SNX29: variants seen among roughly 807,000 people sequenced by gnomAD.
SNX29 encodes the protein sorting nexin-29.
A neutral mutation model predicts 102.1 loss-of-function variants in SNX29; 78 were observed. That is an observed-to-expected ratio of 0.76 (90% CI 0.64 to 0.92). SNX29 has a LOEUF of 0.92. Among genes scored for constraint, SNX29 ranks in the 40% least tolerant of loss-of-function variants. The pLI is 0.00. For missense variants in SNX29, 1,280 were observed against 1,061.7 expected (o/e 1.21, Z -2.86); for synonymous variants, 580 against 414.5 (o/e 1.40, Z -4.85).
chr16:12,116,920 A>C (rs1283553775), intron 11 of SNX29, among the ~76,000 whole-genome samples: 1 of 152,226 alleles, frequency 6.6e-6, no homozygotes, highest in African/African-American at 2.4e-5. Context: ...CACGGTCAAT[A>C]CGTGCTTCAA....
At chr16:12,466,695 T>C (rs879508685) in intron 18 of SNX29, among the ~76,000 whole-genome samples, 10 of 152,208 alleles carry the variant, frequency 6.6e-5, no homozygotes, top group Non-Finnish European at 1.2e-4. Flanking sequence ...GATAGTTTCA[T>C]GCTTAAGTTG....
intron 18 of SNX29, among the ~76,000 whole-genome samples, chr16:12,468,193 T>A (rs2087155503): frequency 2.6e-5 from 2 of 75,496 alleles, no homozygotes; most frequent in Admixed American, 1.4e-4. Context: ...TTTTTTTTTT[T>A]TTAGGGGGAG....
chr16:12,201,854 T>G (rs563946403), intron 14 of SNX29, among the ~76,000 whole-genome samples: 1 of 152,342 alleles, frequency 6.6e-6, no homozygotes, highest in African/African-American at 2.4e-5. Context: ...TTTGAAAACC[T>G]CAGCGCTACA....
chr16:12,258,780 C>T (rs1159261159), intron 14 of SNX29, among the ~76,000 whole-genome samples: 3 of 152,112 alleles, frequency 2.0e-5, no homozygotes, highest in Non-Finnish European at 4.4e-5. Flanking sequence ...GAGGTAGTTC[C>T]TGAATCAGAC....
chr16:12,519,275 T>C lies in SNX29; in HGVS notation c.2179-5427T>C, dbSNP rs149613544. ...TTGTGGTGAAAATGGTGGCACCATG[T>C]CCCCCAAAAGGTCAGAACCCAGGTG... On this transcript the variant is annotated intron_variant, in intron 19 of 20. Transcript: ENST00000566228. 4.1e-3 allele frequency among the ~76,000 whole-genome samples: 628 copies of C among 152,246 alleles called. 6 individuals are homozygous for C. The highest frequency in any genetic ancestry group is 0.014 in the African/African-American group (589 of 41,564).
At chr16:12,334,139 TC>T (rs1306331662) in intron 15 of SNX29, among the ~76,000 whole-genome samples, 1 of 152,152 alleles carries the variant, frequency 6.6e-6, no homozygotes, top group African/African-American at 2.4e-5. Flanking sequence ...CCACTTTAGG[TC>T]TTTGAGGTTT....
At chr16:12,568,101 C>T (rs753654725) in intron 20 of SNX29, among the ~76,000 whole-genome samples, 6 of 152,172 alleles carry the variant, frequency 3.9e-5, no homozygotes, top group South Asian at 2.1e-4. Flanking sequence ...TGTTTTGCTA[C>T]GCATCTTGTG....
intron 20 of SNX29, among the ~76,000 whole-genome samples, chr16:12,541,340 CCTT>C (rs950395996): frequency 3.7e-4 from 56 of 152,142 alleles, no homozygotes; most frequent in African/African-American, 1.3e-3. Context: ...GCCAGAATTA[CCTT>C]CTTCATTCTT....
chr16:12,449,316 A>T (rs563649153), intron 18 of SNX29, among the ~76,000 whole-genome samples: 1 of 152,082 alleles, frequency 6.6e-6, no homozygotes, highest in East Asian at 2.0e-4. Flanking sequence ...GAACTTAGCC[A>T]GGCAAAGAAG....
chr16:12,017,937 C>G (rs1194415822), intron 3 of SNX29, among the ~76,000 whole-genome samples: 1 of 151,988 alleles, frequency 6.6e-6, no homozygotes, highest in Non-Finnish European at 1.5e-5. Context: ...GACGAAGTCT[C>G]TCTCGTCACC....
At chr16:12,564,054 TG>T (rs34103800) in intron 20 of SNX29, among the ~76,000 whole-genome samples, 25,253 of 152,150 alleles carry the variant, frequency 0.17, 2,680 homozygotes, top group East Asian at 0.44. Context: ...GGTTGTGGTT[TG>T]GCAACGATGC....
intron 15 of SNX29, among the ~76,000 whole-genome samples, chr16:12,290,451 G>T (rs1401504487): frequency 6.6e-6 from 1 of 152,124 alleles, no homozygotes; most frequent in Non-Finnish European, 1.5e-5. Flanking sequence ...GATTCAGTTT[G>T]CCCCAGGTGT....
intron 20 of SNX29, among the ~76,000 whole-genome samples, chr16:12,548,139 C>T (rs957907775): frequency 1.3e-5 from 2 of 152,288 alleles, no homozygotes; most frequent in East Asian, 1.9e-4. Context: ...AATTTTCTAT[C>T]CCTGTTCATT....
chr16:12,147,134 C>T (rs757203114), intron 13 of SNX29, among the ~76,000 whole-genome samples: 2 of 152,202 alleles, frequency 1.3e-5, no homozygotes, highest in Non-Finnish European at 2.9e-5. Flanking sequence ...TGTTTTGAAG[C>T]GCGTGCCCGC....
At chr16:12,083,148 T>A (rs992832402) in intron 11 of SNX29, among the ~76,000 whole-genome samples, 2 of 151,778 alleles carry the variant, frequency 1.3e-5, no homozygotes, top group African/African-American at 4.8e-5. Flanking sequence ...CTACTAAAAA[T>A]ACAAAAAATT....
chr16:12,027,395 A>G lies in SNX29; in HGVS notation c.198A>G (p.Thr66=). 6.2e-7 allele frequency: 1 copy of G among 1,614,182 alleles called. No individual in the cohort carries two copies. The highest frequency in any genetic ancestry group is 8.5e-7 in the Non-Finnish European group (1 of 1,180,016). ...AGAGGAGTCGAGGATTGGCACTCAC[A>G]GCGGCAGCGATCAAGCAGGCAGCGG... ...GLKRSRGLAL[T]AAAIKQAAGF... The change falls in exon 4 of 21, where the codon ACA becomes ACG. Residue 66 remains threonine (T), a synonymous_variant. Transcript: ENST00000566228.
At chr16:12,494,913 T>C (rs1228628232) in intron 19 of SNX29, among the ~76,000 whole-genome samples, 1 of 152,212 alleles carries the variant, frequency 6.6e-6, no homozygotes, top group Non-Finnish European at 1.5e-5. Context: ...GAATGGTGGC[T>C]ATTTATTGAG....
chr16:12,052,227 G>T lies in SNX29; in HGVS notation c.1124+5G>T. 1.2e-6 allele frequency: 2 copies of T among 1,613,738 alleles called. No individual in the cohort carries two copies. The highest frequency in any genetic ancestry group is 1.7e-6 in the Non-Finnish European group (2 of 1,179,798). ...CCACTCGGAGTCGCCCGAGAAGTAA[G>T]TTTGTGTGTAAGGTGGAGTCTCACC... On this transcript the variant is annotated splice_donor_5th_base_variant and intron_variant, in intron 8 of 20. Coordinates refer to ENST00000566228, the MANE Select transcript of SNX29 (RefSeq NM_032167.5).
intron 7 of SNX29, 71 bp downstream of exon 7, chr16:12,048,691 G>A (rs1229460567): frequency 1.9e-6 from 3 of 1,612,860 alleles, no homozygotes; most frequent in Non-Finnish European, 2.5e-6. Flanking sequence ...GACATATCTT[G>A]TCATCTGAAA....
Sources: gnomAD v4.1 joint callset for allele counts (sites outside exome capture counted in the v4.1 genomes callset) on GRCh38, gnomAD v4.1.1 for gene constraint, MANE v1.5 for transcripts, NCBI Gene and HGNC (gene_info 2026-07-23, HGNC 2026-07-21) for gene names.